DCUN1D1: variants seen among roughly 807,000 people sequenced by gnomAD.
DCUN1D1 encodes the protein defective in cullin neddylation 1 domain containing 1.
A neutral mutation model predicts 39.0 loss-of-function variants in DCUN1D1; 3 were observed. The ratio of observed to expected loss-of-function variants is 0.08; its 90% CI spans 0.04 to 0.20. The LOEUF is 0.20. DCUN1D1 is among the 10% of genes least tolerant of loss of function. The pLI is 1.00. For missense variants in DCUN1D1, 158 were observed against 302.4 expected, an observed-to-expected ratio of 0.52 and a Z score of 3.54; for synonymous variants, 82 against 96.3, an observed-to-expected ratio of 0.85 and a Z score of 0.87.
intron 6 of DCUN1D1, among the ~76,000 whole-genome samples, chr3:182,946,315 C>T (rs1313184271): frequency 6.6e-6 from 1 of 151,916 alleles, no homozygotes; most frequent in Non-Finnish European, 1.5e-5. Context: ...CCCAGCACTT[C>T]GGGAGACCGA....
chr3:182,961,405 T>C, intron 3 of DCUN1D1, 49 bp from the exon 4 acceptor site: 5 of 1,475,390 alleles, frequency 3.4e-6, no homozygotes, highest in South Asian at 1.3e-5. Flanking sequence ...TCACTATAAA[T>C]TAATAACTTA....
At chr3:182,945,918 G>T (rs538339797) in intron 6 of DCUN1D1, among the ~76,000 whole-genome samples, 9 of 152,212 alleles carry the variant, frequency 5.9e-5, no homozygotes, top group African/African-American at 2.2e-4. Flanking sequence ...TTCTCACTTT[G>T]CAGGGAAGAT....
At chr3:182,961,557 A>G (rs1727396968) in intron 3 of DCUN1D1, among the ~76,000 whole-genome samples, 1 of 152,186 alleles carries the variant, frequency 6.6e-6, no homozygotes, top group African/African-American at 2.4e-5. Flanking sequence ...GAGTGATTAA[A>G]TGTTCTAAAT....
At chr3:182,969,392 G>A (rs971268253) in intron 1 of DCUN1D1, among the ~76,000 whole-genome samples, 8 of 152,188 alleles carry the variant, frequency 5.3e-5, no homozygotes, top group African/African-American at 1.9e-4. Context: ...ACTAACCAGA[G>A]AAGAATGATT....
upstream of DCUN1D1, chr3:182,980,600 GC>G: frequency 1.8e-6 from 2 of 1,097,014 alleles, no homozygotes; most frequent in South Asian, 3.5e-5. Context: ...CATGCGCAGT[GC>G]GGGGCGGCCC....
intron 4 of DCUN1D1, 31 bp downstream of exon 4, chr3:182,961,195 A>G (rs1180963920): frequency 7.1e-7 from 1 of 1,408,138 alleles, no homozygotes; most frequent in East Asian, 2.3e-5. Context: ...ATATATCTGA[A>G]ACACCAAATA....
upstream of DCUN1D1, among the ~76,000 whole-genome samples, chr3:182,982,243 C>T (rs1728579535): frequency 6.6e-6 from 1 of 152,136 alleles, no homozygotes; most frequent in Non-Finnish European, 1.5e-5. Flanking sequence ...TTACTCTGAC[C>T]ACTCTCCTTT....
At chr3:182,954,277 G>A (rs1369462805) in intron 4 of DCUN1D1, among the ~76,000 whole-genome samples, 1 of 152,134 alleles carries the variant, frequency 6.6e-6, no homozygotes, top group African/African-American at 2.4e-5. Flanking sequence ...ATACGCAAAA[G>A]TTCACAGAAC....
At chr3:182,982,729 G>A (rs902942834), upstream of DCUN1D1, among the ~76,000 whole-genome samples, 10 of 152,152 alleles carry the variant, frequency 6.6e-5, no homozygotes, top group South Asian at 8.3e-4. Context: ...TGCAACCTCC[G>A]CCTCCCAGGT....
At chr3:182,953,575 C>T (rs557117787) in intron 4 of DCUN1D1, among the ~76,000 whole-genome samples, 8 of 152,074 alleles carry the variant, frequency 5.3e-5, no homozygotes, top group Non-Finnish European at 1.0e-4. Context: ...GTTCTAAGGA[C>T]TAAATGAGTT....
intron 4 of DCUN1D1, among the ~76,000 whole-genome samples, chr3:182,958,536 A>T (rs966775014): frequency 6.6e-6 from 1 of 152,200 alleles, no homozygotes; most frequent in African/African-American, 2.4e-5. Context: ...AGTTAAATAC[A>T]TATAACATAA....
intron 2 of DCUN1D1, 48 bp downstream of exon 2, chr3:182,965,489 T>C (rs1727625369): frequency 1.5e-6 from 2 of 1,317,824 alleles, no homozygotes; most frequent in South Asian, 1.3e-5. Flanking sequence ...CCCATCTCTT[T>C]GGAAAATCTG....
At chr3:182,969,558 T>G (rs1403452166) in intron 1 of DCUN1D1, among the ~76,000 whole-genome samples, 1 of 152,216 alleles carries the variant, frequency 6.6e-6, no homozygotes, top group African/African-American at 2.4e-5. Context: ...TATATGCCAT[T>G]TATTTAAATA....
intron 4 of DCUN1D1, among the ~76,000 whole-genome samples, chr3:182,958,704 GAATA>G (rs900556306): frequency 3.3e-5 from 5 of 152,016 alleles, no homozygotes; most frequent in African/African-American, 9.7e-5. Context: ...TTAGATAACA[GAATA>G]AACACACATA....
At chr3:182,980,110 A>C (rs983631281) in intron 1 of DCUN1D1, 1 of 946,696 alleles carries the variant, frequency 1.1e-6, no homozygotes. Context: ...GACCAGACAC[A>C]ATGGAGCCGG....
Position 182,962,367 on chromosome 3 carries a change from G to A in DCUN1D1, c.390-1011C>T, listed in dbSNP as rs1727441876. ...CATTTTTCTTGCCAGCTGGCTCTGT[G>A]TTAGGTTCTACCAAGAGCCAATGAA... On this transcript the variant is annotated intron_variant, in intron 3 of 6. Coordinates refer to ENST00000292782, the MANE Select transcript of DCUN1D1 (RefSeq NM_020640.4). 2.0e-5 allele frequency among the ~76,000 whole-genome samples: 3 copies of A among 152,338 alleles called. No homozygotes were observed. The South Asian group carries it at 6.2e-4, about 32-fold the overall frequency.
chr3:182,961,726 A>C (rs1483716600), intron 3 of DCUN1D1, among the ~76,000 whole-genome samples: 1 of 152,226 alleles, frequency 6.6e-6, no homozygotes, highest in Non-Finnish European at 1.5e-5. Context: ...CTGACACAGT[A>C]ATTAATCGCG....
rs1333968153 is a variant in DCUN1D1 at position 182,939,222 on chromosome 3, G to C, written c.*5872C>G. 5 of 152,214 alleles carry C rather than the reference G, an allele frequency of 3.3e-5. No homozygotes were observed. The highest frequency in any genetic ancestry group is 4.8e-5 in the African/African-American group (2 of 41,450). 9.4% of individuals were successfully genotyped at this position (152,214 alleles called of 1,614,324 possible). A position where few individuals can be genotyped will look rare whatever the true frequency, so the allele number is the denominator to read the frequency against. On this transcript the variant is annotated 3_prime_UTR_variant, in exon 7 of 7. Transcript: ENST00000292782. ...CAATAAAAAAGACAAGTATTGGCAAGGATGTGCAGACACGGCAGTCCGCAT... is the reference window on the plus strand; with the variant it reads ...CAATAAAAAAGACAAGTATTGGCAACGATGTGCAGACACGGCAGTCCGCAT...
intron 1 of DCUN1D1, chr3:182,980,257 G>A (rs1313200253): frequency 6.6e-6 from 2 of 304,784 alleles, no homozygotes; most frequent in African/African-American, 4.5e-5. Context: ...GACTAGGCCC[G>A]GCTCCGCTCC....
Sources: gnomAD v4.1 joint callset for allele counts (sites outside exome capture counted in the v4.1 genomes callset) on GRCh38, gnomAD v4.1.1 for gene constraint, MANE v1.5 for transcripts, NCBI Gene and HGNC (gene_info 2026-07-23, HGNC 2026-07-21) for gene names.